Variants in SORBS2 observed in about 807,000 individuals in gnomAD.
SORBS2 encodes the protein sorbin and SH3 domain-containing protein 2.
In SORBS2, 46 loss-of-function variants were observed where a neutral mutation model predicts 97.7. That is an observed-to-expected ratio of 0.47 (90% CI 0.37 to 0.60). SORBS2 has a LOEUF of 0.60. SORBS2 is among the 20% of genes least tolerant of loss of function. The pLI, the probability that SORBS2 is intolerant of heterozygous loss-of-function variation, is 0.00. For synonymous variants in SORBS2, 476 were observed against 473.4 expected (o/e 1.01, Z -0.07); for missense variants, 1,316 against 1,282.3 (o/e 1.03, Z -0.40).
In SORBS2 at chr4:185,891,293, T is replaced by C. The variant is rs531854603; in HGVS notation, c.-338+64903A>G. Among the ~76,000 whole-genome samples, 3 of 152,314 alleles carry C rather than the reference T, an allele frequency of 2.0e-5. No individual in the cohort carries two copies. In the East Asian group the frequency reaches 5.8e-4, roughly 29 times the overall value. ...AAAATTATTGCAGTGAAAGAGAACG[T>C]ATCTAAACAATCCCCACTTTGCCTT... On this transcript the variant is annotated intron_variant, in intron 1 of 20. Transcript: ENST00000284776.
intron 1 of SORBS2, among the ~76,000 whole-genome samples, chr4:185,873,380 G>T (rs1219065553): frequency 6.6e-6 from 1 of 152,118 alleles, no homozygotes; most frequent in African/African-American, 2.4e-5. Flanking sequence ...AATAGATCCT[G>T]CCTTACTACT....
At chr4:185,835,995 A>C (rs2099207853) in intron 1 of SORBS2, among the ~76,000 whole-genome samples, 2 of 151,892 alleles carry the variant, frequency 1.3e-5, no homozygotes, top group South Asian at 4.1e-4. Flanking sequence ...ATTAAATATC[A>C]CTTATTATTA....
intron 1 of SORBS2, among the ~76,000 whole-genome samples, chr4:185,824,540 T>C (rs964011091): frequency 2.0e-5 from 3 of 152,142 alleles, no homozygotes; most frequent in African/African-American, 4.8e-5. Flanking sequence ...CTATAATCCT[T>C]TCTGGGAAAA....
upstream of SORBS2, among the ~76,000 whole-genome samples, chr4:185,659,521 G>A (rs75067063): frequency 0.16 from 23,543 of 150,568 alleles, 1,985 homozygotes; most frequent in East Asian, 0.26. Flanking sequence ...GGTTCACGCC[G>A]TTCTCCTGCC....
chr4:185,628,685 G>A (rs2096857937), intron 5 of SORBS2, among the ~76,000 whole-genome samples: 1 of 152,142 alleles, frequency 6.6e-6, no homozygotes, highest in African/African-American at 2.4e-5. Flanking sequence ...GGAGTTTGAG[G>A]CTGCAGTGAG....
chr4:185,741,404 G>GTTTTTT (rs58376567), intron 2 of SORBS2, among the ~76,000 whole-genome samples: 2 of 111,666 alleles, frequency 1.8e-5, no homozygotes, highest in Admixed American at 1.1e-4. Flanking sequence ...TTTTTTTTTT[G>GTTTTTT]TTTTTTTTTT....
chr4:185,780,857 G>A lies in SORBS2; in HGVS notation c.-337-5491C>T, dbSNP rs1012852515. Among the ~76,000 whole-genome samples the A allele has an allele frequency of 6.6e-5, 10 of 152,314 alleles. No individual in the cohort carries two copies. In the East Asian group the frequency reaches 1.7e-3, roughly 26 times the overall value. ...TTAAAGGACCAGTATCATTGAAAGAGATTATATAGAAATAACTTCTTAAAA... is the reference window on the plus strand; with the variant it reads ...TTAAAGGACCAGTATCATTGAAAGAAATTATATAGAAATAACTTCTTAAAA... On this transcript the variant is annotated intron_variant, in intron 1 of 20. Coordinates refer to the SORBS2 transcript ENST00000284776.
intron 2 of SORBS2, among the ~76,000 whole-genome samples, chr4:185,706,993 C>T (rs944817641): frequency 2.0e-5 from 3 of 152,088 alleles, no homozygotes; most frequent in Non-Finnish European, 1.5e-5. Flanking sequence ...TTTCTTAATG[C>T]TTTTCTTGTG....
At chr4:185,836,671 T>G (rs2099208272) in intron 1 of SORBS2, among the ~76,000 whole-genome samples, 1 of 152,242 alleles carries the variant, frequency 6.6e-6, no homozygotes, top group East Asian at 1.9e-4. Context: ...GGGGTCTCTA[T>G]TCAAACCCAG....
chr4:185,751,190 A>AAAAAAGAG, intron 2 of SORBS2, among the ~76,000 whole-genome samples: 2 of 86,510 alleles, frequency 2.3e-5, no homozygotes, highest in African/African-American at 8.2e-5. Flanking sequence ...AAAAAAAAAA[A>AAAAAAGAG]AGAGAAAGAG....
At chr4:185,611,532 T>C (rs887010155) in intron 12 of SORBS2, among the ~76,000 whole-genome samples, 1 of 152,176 alleles carries the variant, frequency 6.6e-6, no homozygotes, top group Non-Finnish European at 1.5e-5. Context: ...CGTTTTCTCT[T>C]TCTCTTTCGA....
intron 1 of SORBS2, among the ~76,000 whole-genome samples, chr4:185,908,524 G>T (rs185990345): frequency 2.6e-5 from 4 of 151,048 alleles, no homozygotes; most frequent in African/African-American, 9.7e-5. Flanking sequence ...AAATCAAAAC[G>T]CTTAGAAAGG....
At chr4:185,831,805 T>C (rs1412090413) in intron 1 of SORBS2, among the ~76,000 whole-genome samples, 2 of 152,196 alleles carry the variant, frequency 1.3e-5, no homozygotes, top group Admixed American at 1.3e-4. Context: ...CTTTAAAAAA[T>C]ACATTTCCTA....
chr4:185,705,773 A>T (rs902040685), intron 2 of SORBS2, among the ~76,000 whole-genome samples: 3 of 152,130 alleles, frequency 2.0e-5, no homozygotes, highest in Non-Finnish European at 4.4e-5. Flanking sequence ...TGTCAGGGAG[A>T]GTTAGACAAA....
At chr4:185,680,513 C>A (rs114778447) in intron 2 of SORBS2, among the ~76,000 whole-genome samples, 2,440 of 152,068 alleles carry the variant, frequency 0.016, 67 homozygotes, top group African/African-American at 0.057. Flanking sequence ...GAAAGGACAA[C>A]GAAAAGCAAA....
intron 2 of SORBS2, among the ~76,000 whole-genome samples, chr4:185,700,022 G>A (rs1230342670): frequency 1.3e-5 from 2 of 152,146 alleles, no homozygotes; most frequent in African/African-American, 4.8e-5. Flanking sequence ...ACAAAGTGGT[G>A]TGTTTATTGA....
chr4:185,928,841 T>A (rs28507417), intron 1 of SORBS2, among the ~76,000 whole-genome samples: 1 of 152,044 alleles, frequency 6.6e-6, no homozygotes, highest in Non-Finnish European at 1.5e-5. Context: ...CCACCGCGCC[T>A]GGCCAAGAAG....
At chr4:185,697,158 G>A (rs1353768762) in intron 2 of SORBS2, among the ~76,000 whole-genome samples, 2 of 152,164 alleles carry the variant, frequency 1.3e-5, no homozygotes, top group Non-Finnish European at 2.9e-5. Flanking sequence ...CCGCTAGACA[G>A]CAAAGCATCC....
chr4:185,698,392 C>T (rs958351441), intron 2 of SORBS2, among the ~76,000 whole-genome samples: 1 of 152,142 alleles, frequency 6.6e-6, no homozygotes, highest in African/African-American at 2.4e-5. Context: ...AGGAGAATGG[C>T]TTGAAGCTGG....
Sources: gnomAD v4.1 joint callset for allele counts (sites outside exome capture counted in the v4.1 genomes callset) on GRCh38, gnomAD v4.1.1 for gene constraint, MANE v1.5 for transcripts, NCBI Gene and HGNC (gene_info 2026-07-23, HGNC 2026-07-21) for gene names.